The following TMEM243 variants were observed in gnomAD, a reference collection of about 807,000 sequenced individuals.
TMEM243 encodes MDR1 and mitochondrial taxol resistance associated.
In TMEM243, 20 loss-of-function variants were observed where a neutral mutation model predicts 15.0. That is an observed-to-expected ratio of 1.33 (90% CI 0.94 to 1.93). The LOEUF (loss-of-function observed/expected upper bound fraction) is 1.93, where lower values mean the gene tolerates loss of function less well. TMEM243 is among the 30% of genes most tolerant of loss of function. The probability of loss-of-function intolerance (pLI) is 0.00; values close to 1 mark genes in which losing one functional copy is unlikely to be tolerated. For synonymous variants in TMEM243, 72 were observed against 52.7 expected, an observed-to-expected ratio of 1.37 and a Z score of -1.59; for missense variants, 156 against 142.1, an observed-to-expected ratio of 1.10 and a Z score of -0.50.
chr7:87,209,318 G>A (rs868657536), intron 1 of TMEM243, among the ~76,000 whole-genome samples: 14 of 152,054 alleles, frequency 9.2e-5, no homozygotes, highest in South Asian at 2.1e-4. Context: ...GGGAAAGGGT[G>A]GGAATGAGGG....
chr7:87,208,850 G>A (rs1171509105), intron 1 of TMEM243, among the ~76,000 whole-genome samples: 3 of 152,242 alleles, frequency 2.0e-5, no homozygotes, highest in African/African-American at 7.2e-5. Flanking sequence ...CCACTACCCA[G>A]GGTGTAAATA....
rs1294947035 is a variant in TMEM243, at chr7:87,198,845, G to A, written c.129+162C>T. The A allele has an allele frequency of 5.2e-6, 3 of 579,874 alleles. No homozygotes were observed. In the African/African-American group the frequency reaches 5.9e-5, roughly 11 times the overall value. The allele number at this position is 579,874 out of a possible 1,614,324, so 35.9% of individuals were successfully genotyped here. On this transcript the variant is annotated intron_variant, in intron 2 of 3. Coordinates refer to ENST00000257637, the MANE Select transcript of TMEM243 (RefSeq NM_024315.4). The stretch of plus-strand genomic sequence containing the variant: ...GTACCATTTCACATATTCAACCTGG[G>A]GGTGGGGCAGAATTAAATTAGCTAC...
intron 1 of TMEM243, among the ~76,000 whole-genome samples, chr7:87,209,677 CGAGACACAGCGA>C (rs766637827): frequency 0.1 from 8,290 of 79,240 alleles, 708 homozygotes; most frequent in Middle Eastern, 0.19. Flanking sequence ...AGAGCGAGAG[CGAGACACAGCGA>C]GAGAGCGAGA....
chr7:87,214,484 CG>C (rs1280029984), intron 1 of TMEM243, among the ~76,000 whole-genome samples: 3 of 152,092 alleles, frequency 2.0e-5, no homozygotes. Flanking sequence ...TCTGCAGAAA[CG>C]TATCTAGTGA....
At chr7:87,202,201 C>T (rs1413740318) in intron 1 of TMEM243, among the ~76,000 whole-genome samples, 1 of 152,120 alleles carries the variant, frequency 6.6e-6, no homozygotes, top group Non-Finnish European at 1.5e-5. Flanking sequence ...ATCCAGAGTT[C>T]AGGAGGGCAC....
At chr7:87,209,656 CAGAGCGAGAG>C (rs1467283879) in intron 1 of TMEM243, among the ~76,000 whole-genome samples, 1 of 13,444 alleles carries the variant, frequency 7.4e-5, no homozygotes, top group African/African-American at 6.5e-4. Context: ...CAGTGAGAGA[CAGAGCGAGAG>C]AGAGCGAGAG....
intron 3 of TMEM243, 146 bp downstream of exon 3, chr7:87,197,795 T>C: frequency 1.3e-6 from 2 of 1,519,444 alleles, no homozygotes; most frequent in South Asian, 1.2e-5. Flanking sequence ...TCAGATTTTA[T>C]TGAGAATTCT....
intron 1 of TMEM243, among the ~76,000 whole-genome samples, chr7:87,218,299 A>C (rs1462613463): frequency 2.0e-5 from 3 of 152,264 alleles, no homozygotes; most frequent in Non-Finnish European, 4.4e-5. Context: ...CCACAAGATG[A>C]ACAAGGTGCA....
chr7:87,199,318 T>C (rs1333970174), intron 1 of TMEM243: 2 of 388,740 alleles, frequency 5.1e-6, no homozygotes, highest in African/African-American at 4.2e-5. Flanking sequence ...TAGTATCAAA[T>C]GGGTAAGGGA....
rs1048962910 is a variant in TMEM243 at position 87,198,129 on chromosome 7, C to T, written c.130-84G>A. On this transcript the variant is annotated intron_variant, in intron 2 of 3. Transcript: ENST00000257637. ...AACTGGAGTCTAGGCAACAGTACTA[C>T]AAAATGCTTCATGTTATAAAATTAC... 7.3e-6 allele frequency: 8 copies of T among 1,091,368 alleles called. No homozygotes were observed. In the African/African-American group the frequency reaches 1.3e-4, roughly 17 times the overall value. 67.6% of individuals were successfully genotyped at this position (1,091,368 alleles called of 1,614,324 possible). A position where few individuals can be genotyped will look rare whatever the true frequency, so the allele number is the denominator to read the frequency against.
At position 87,196,190 on chromosome 7, in the gene TMEM243, A is replaced by C. The variant is rs2129214351; in HGVS notation, c.*446T>G. 6.5e-6 allele frequency: 1 copy of C among 154,556 alleles called. No individual in the cohort carries two copies. Among genetic ancestry groups the C allele is most frequent in the South Asian group, 2.0e-4 (1 of 4,956 alleles). 9.6% of individuals were successfully genotyped at this position (154,556 alleles called of 1,614,324 possible). A position where few individuals can be genotyped will look rare whatever the true frequency, so the allele number is the denominator to read the frequency against. Reference sequence around the variant, plus strand: ...TATAAATTATTTTATTTATTATTGTAATTAGATCTTCACAAAGTTGTCTTT... The same window carrying C: ...TATAAATTATTTTATTTATTATTGTCATTAGATCTTCACAAAGTTGTCTTT... On this transcript the variant is annotated 3_prime_UTR_variant, in exon 4 of 4. Transcript: ENST00000257637.
intron 3 of TMEM243, among the ~76,000 whole-genome samples, chr7:87,197,492 G>T (rs1044185953): frequency 6.6e-6 from 1 of 151,914 alleles, no homozygotes; most frequent in African/African-American, 2.4e-5. Flanking sequence ...GGAGGTTTTG[G>T]TGTTAATACC....
At chr7:87,209,027 C>T (rs73210226) in intron 1 of TMEM243, among the ~76,000 whole-genome samples, 4,044 of 152,028 alleles carry the variant, frequency 0.027, 79 homozygotes, top group East Asian at 0.065. Context: ...TGGGCCTTCA[C>T]TGTATTTCCA....
rs1801569734 is a variant in TMEM243, at chr7:87,198,788, CTCAAT to C, written c.129+214_129+218del. The C allele has an allele frequency of 8.5e-6, 4 of 468,612 alleles. No homozygotes were observed. In the South Asian group the frequency reaches 1.5e-4, roughly 18 times the overall value. The allele number at this position is 468,612 out of a possible 1,614,324, so 29.0% of individuals were successfully genotyped here. On this transcript the variant is annotated intron_variant, in intron 2 of 3. Transcript: ENST00000257637. ...AATTTACTAGGCAAAACATGGTAAA[CTCAAT>C]TATCTTAAAACGAAGTTGTCTGACT...
At chr7:87,200,772 GTGATAAAGACA>G (rs1801743411) in intron 1 of TMEM243, among the ~76,000 whole-genome samples, 1 of 152,152 alleles carries the variant, frequency 6.6e-6, no homozygotes. Flanking sequence ...ATACCATTAA[GTGATAAAGACA>G]AGATTCAGTG....
intron 1 of TMEM243, among the ~76,000 whole-genome samples, chr7:87,209,851 CGAGA>C (rs1261047220): frequency 5.7e-5 from 7 of 122,632 alleles, no homozygotes; most frequent in South Asian, 2.9e-4. Flanking sequence ...ACAGTGAGAG[CGAGA>C]GAGAGAGAGA....
chr7:87,211,076 T>C (rs1372621665), intron 1 of TMEM243, among the ~76,000 whole-genome samples: 1 of 152,194 alleles, frequency 6.6e-6, no homozygotes, highest in Non-Finnish European at 1.5e-5. Context: ...TCAGGGCCTG[T>C]AGTGTGGGGG....
Position 87,209,542 on chromosome 7 carries a change from G to C in TMEM243, c.78+9884C>G, listed in dbSNP as rs369712490. 4.9e-3 allele frequency among the ~76,000 whole-genome samples: 116 copies of C among 23,832 alleles called. 2 individuals carry two copies. Among genetic ancestry groups the C allele is most frequent in the Middle Eastern group, 0.1 (2 of 20 alleles). The allele number at this position is 23,832 out of a possible 152,430, so 15.6% of individuals were successfully genotyped here. On this transcript the variant is annotated intron_variant, in intron 1 of 3. Coordinates refer to ENST00000257637, the MANE Select transcript of TMEM243 (RefSeq NM_024315.4). ...TGAGAGAGAGAGTGAGAGAGAAAGT[G>C]AGAGACAATGAGAGAGACAATGAGA...
intron 1 of TMEM243, among the ~76,000 whole-genome samples, chr7:87,205,856 C>T (rs924211256): frequency 2.6e-5 from 4 of 152,180 alleles, no homozygotes; most frequent in Admixed American, 6.5e-5. Flanking sequence ...TGCCTGTTAC[C>T]CAGTTCCAAA....
Sources: gnomAD v4.1 joint callset for allele counts (sites outside exome capture counted in the v4.1 genomes callset) on GRCh38, gnomAD v4.1.1 for gene constraint, MANE v1.5 for transcripts, NCBI Gene and HGNC (gene_info 2026-07-23, HGNC 2026-07-21) for gene names.